Variants in PLEKHH2 observed in about 807,000 individuals in gnomAD.
PLEKHH2 encodes the protein pleckstrin homology, MyTH4 and FERM domain containing H2, also known as pleckstrin homology domain-containing family H member 2.
A neutral mutation model predicts 187.9 loss-of-function variants in PLEKHH2; 129 were observed. The observed-to-expected ratio is 0.69, with a 90% CI of 0.59 to 0.79. The LOEUF (loss-of-function observed/expected upper bound fraction) is 0.79, where lower values mean the gene tolerates loss of function less well. Ranked by LOEUF, PLEKHH2 falls within the 30% of genes least tolerant of loss-of-function variation. The probability of loss-of-function intolerance (pLI) is 0.00; values close to 1 mark genes in which losing one functional copy is unlikely to be tolerated. For missense variants in PLEKHH2, 2,076 were observed against 1,751.2 expected (o/e 1.19, Z -3.31); for synonymous variants, 686 against 605.6 (o/e 1.13, Z -1.95).
At chr2:43,715,380 AT>A (rs1284878177) in intron 15 of PLEKHH2, among the ~76,000 whole-genome samples, 1 of 152,150 alleles carries the variant, frequency 6.6e-6, no homozygotes, top group Admixed American at 6.5e-5. Flanking sequence ...GTGGAAAGCT[AT>A]TTTTGTCTTT....
At position 43,650,210 on chromosome 2, in the gene PLEKHH2, G is replaced by A. The variant is rs528389077; in HGVS notation, c.123+5414G>A. Among the ~76,000 whole-genome samples the A allele has an allele frequency of 3.6e-5, 5 of 140,640 alleles. No homozygotes were observed. In the East Asian group the frequency reaches 1.0e-3, roughly 28 times the overall value. 92.3% of individuals were successfully genotyped at this position (140,640 alleles called of 152,430 possible). On this transcript the variant is annotated intron_variant, in intron 2 of 29. Coordinates refer to ENST00000282406, the MANE Select transcript of PLEKHH2 (RefSeq NM_172069.4). ...TTGTTGCCCAGGCTGAAGTGCAGTGGTGCCTTCTGCCCCCTGGGTTCAAGT... is the reference window on the plus strand; with the variant it reads ...TTGTTGCCCAGGCTGAAGTGCAGTGATGCCTTCTGCCCCCTGGGTTCAAGT...
chr2:43,674,502 G>C (rs951243059), intron 2 of PLEKHH2, among the ~76,000 whole-genome samples: 1 of 152,146 alleles, frequency 6.6e-6, no homozygotes, highest in East Asian at 1.9e-4. Flanking sequence ...CTTCTATATA[G>C]TGCCATAGTC....
At chr2:43,701,021 C>T (rs1170995833) in intron 8 of PLEKHH2, among the ~76,000 whole-genome samples, 1 of 152,086 alleles carries the variant, frequency 6.6e-6, no homozygotes, top group Non-Finnish European at 1.5e-5. Flanking sequence ...TCTTCTCTTC[C>T]CTCACTGAGT....
intron 2 of PLEKHH2, among the ~76,000 whole-genome samples, chr2:43,645,336 A>G (rs1398313021): frequency 6.6e-6 from 1 of 152,166 alleles, no homozygotes; most frequent in African/African-American, 2.4e-5. Flanking sequence ...GTATGTGTAT[A>G]AAACCAATAG....
intron 8 of PLEKHH2, among the ~76,000 whole-genome samples, chr2:43,702,976 G>A (rs978271055): frequency 3.9e-5 from 6 of 151,994 alleles, no homozygotes; most frequent in African/African-American, 1.5e-4. Context: ...ACTGCCTCCC[G>A]TCTCCTGCTT....
At position 43,707,407 on chromosome 2, in the gene PLEKHH2, A is replaced by G; in HGVS notation, c.1828A>G (p.Thr610Ala). 6.2e-7 allele frequency: 1 copy of G among 1,613,946 alleles called. No homozygotes were observed. Among genetic ancestry groups the G allele is most frequent in the Non-Finnish European group, 8.5e-7 (1 of 1,179,982 alleles). ...PVYTTLKGKA[T>A]QISSSPFLDD... ...TTGTTCCACTTTTCTTTAGAAGGCG[A>G]CCCAAATAAGTAGCAGCCCTTTCCT... Residue 610 changes from threonine (T) to alanine (A), a missense_variant, in exon 11 of 30, where the codon ACC becomes GCC. Thr to Ala is a moderately conservative substitution (Grantham distance 58). Coordinates refer to ENST00000282406, the MANE Select transcript of PLEKHH2 (RefSeq NM_172069.4).
At chr2:43,686,337 C>T (rs1668505871) in intron 3 of PLEKHH2, among the ~76,000 whole-genome samples, 1 of 152,178 alleles carries the variant, frequency 6.6e-6, no homozygotes, top group Non-Finnish European at 1.5e-5. Flanking sequence ...GCTGGGAATA[C>T]AGGTGCATGC....
At chr2:43,705,389 A>G (rs1389337678) in intron 9 of PLEKHH2, among the ~76,000 whole-genome samples, 1 of 146,380 alleles carries the variant, frequency 6.8e-6, no homozygotes, top group East Asian at 2.1e-4. Context: ...CTGATTAGTT[A>G]GGATGACAGG....
rs115105579 is a variant in PLEKHH2, at chr2:43,721,434, C to T, written c.2541+685C>T. Among the ~76,000 whole-genome samples, 260 of 152,280 alleles carry T rather than the reference C, an allele frequency of 1.7e-3. 2 individuals are homozygous for T. The highest frequency in any genetic ancestry group is 5.9e-3 in the African/African-American group (245 of 41,554). ...TGTGACTGTTACTGTGTTAATGAGA[C>T]TAAACTTCTTGGTCTAGTGACCACA... is the stretch of plus-strand genomic sequence containing the variant. On this transcript the variant is annotated intron_variant, in intron 16 of 29. Coordinates refer to ENST00000282406, the MANE Select transcript of PLEKHH2 (RefSeq NM_172069.4).
At chr2:43,645,281 A>T (rs1666130956) in intron 2 of PLEKHH2, among the ~76,000 whole-genome samples, 2 of 152,166 alleles carry the variant, frequency 1.3e-5, no homozygotes, top group Non-Finnish European at 1.5e-5. Context: ...TGCTTTTCTA[A>T]TCATGTAATT....
intron 1 of PLEKHH2, among the ~76,000 whole-genome samples, chr2:43,641,910 A>G (rs1665953217): frequency 6.6e-6 from 1 of 152,232 alleles, no homozygotes; most frequent in African/African-American, 2.4e-5. Flanking sequence ...AAGTTTAGAA[A>G]TAGTAACATG....
intron 2 of PLEKHH2, among the ~76,000 whole-genome samples, chr2:43,659,051 C>T (rs1666934444): frequency 6.7e-6 from 1 of 148,560 alleles, no homozygotes; most frequent in African/African-American, 2.5e-5. Context: ...CATCTCACTG[C>T]AGCCTTGACC....
chr2:43,761,330 G>T (rs1672419962), intron 27 of PLEKHH2, among the ~76,000 whole-genome samples: 1 of 151,776 alleles, frequency 6.6e-6, no homozygotes, highest in Non-Finnish European at 1.5e-5. Context: ...GTTTCAGTTG[G>T]GTTCTAGTGG....
At position 43,697,217 on chromosome 2, in the gene PLEKHH2, G is replaced by C. The variant is rs573104156; in HGVS notation, c.549G>C (p.Ser183=). ...KSSTVSTLKL[S]EGQRLSSLTF... is the part of the protein sequence containing the mutation. ...CCACTGTCTCTACACTAAAGCTTTC[G>C]GAAGGCCAGCGCCTGAGCAGTTTGA... Residue 183 remains serine (S), a synonymous_variant, in exon 7 of 30, where the codon TCG becomes TCC. Transcript: ENST00000282406. The C allele has an allele frequency of 4.3e-5, 70 of 1,612,522 alleles. No homozygotes were observed. The South Asian group carries it at 5.2e-4, about 12-fold the overall frequency.
In PLEKHH2 at chr2:43,694,481, G is replaced by C; in HGVS notation, c.387G>C (p.Lys129Asn). 3 of 1,563,752 alleles carry C rather than the reference G, an allele frequency of 1.9e-6. No homozygotes were observed. The highest frequency in any genetic ancestry group is 2.6e-6 in the Non-Finnish European group (3 of 1,147,564). ...AAATAATAGAAGAGAAAGCAGCTAA[G>C]ATAAAAGAATGGGTAACAGTTAAGT... ...EAKIIEEKAAKIKEWVTVKLN... is the reference protein window; with the variant it reads ...EAKIIEEKAANIKEWVTVKLN... The change falls in exon 5 of 30, where the codon AAG (lysine) becomes AAC (asparagine). Residue 129 changes from lysine to asparagine, a missense_variant. Transcript: ENST00000282406.
At chr2:43,707,973 T>G (rs1243864152) in intron 11 of PLEKHH2, among the ~76,000 whole-genome samples, 1 of 152,238 alleles carries the variant, frequency 6.6e-6, no homozygotes, top group Admixed American at 6.5e-5. Flanking sequence ...TCTATGATTT[T>G]TAGTGGATTT....
intron 1 of PLEKHH2, among the ~76,000 whole-genome samples, chr2:43,639,070 G>C (rs1352964820): frequency 6.6e-6 from 1 of 152,182 alleles, no homozygotes; most frequent in Non-Finnish European, 1.5e-5. Flanking sequence ...CGCTAGGTAA[G>C]ATATATGTAT....
At chr2:43,695,253 T>C in intron 6 of PLEKHH2, 29 bp downstream of exon 6, 1 of 1,326,620 alleles carries the variant, frequency 7.5e-7, no homozygotes. Flanking sequence ...GATAGCTTAG[T>C]TGGATTTATT....
chr2:43,726,138 AAAG>A (rs1670732078), intron 16 of PLEKHH2, 131 bp from the exon 17 acceptor site: 2 of 664,224 alleles, frequency 3.0e-6, no homozygotes. Context: ...AAAAAAAAAA[AAAG>A]GAAAATAAAA....
Sources: gnomAD v4.1 joint callset for allele counts (sites outside exome capture counted in the v4.1 genomes callset) on GRCh38, gnomAD v4.1.1 for gene constraint, MANE v1.5 for transcripts, NCBI Gene and HGNC (gene_info 2026-07-23, HGNC 2026-07-21) for gene names.